Variants in CDH12 observed in about 807,000 individuals in gnomAD.
The protein encoded by CDH12 is cadherin 12, also known as cadherin-12.
A neutral mutation model predicts 74.1 loss-of-function variants in CDH12; 41 were observed. The ratio of observed to expected loss-of-function variants is 0.55; its 90% CI spans 0.43 to 0.72. CDH12 has a LOEUF of 0.72. Ranked by LOEUF, CDH12 falls within the 30% of genes least tolerant of loss-of-function variation. The probability of loss-of-function intolerance (pLI) is 0.00; values close to 1 mark genes in which losing one functional copy is unlikely to be tolerated. For missense variants in CDH12, 945 were observed against 977.2 expected (o/e 0.97, Z 0.44); for synonymous variants, 399 against 355.0 (o/e 1.12, Z -1.39).
chr5:21,940,099 C>T (rs1022369307), intron 6 of CDH12, among the ~76,000 whole-genome samples: 1 of 151,980 alleles, frequency 6.6e-6, no homozygotes, highest in Non-Finnish European at 1.5e-5. Context: ...TAGTGGCTCA[C>T]GTCTGTAATC....
intron 1 of CDH12, among the ~76,000 whole-genome samples, chr5:22,675,679 C>T (rs1346159880): frequency 6.6e-6 from 1 of 151,788 alleles, no homozygotes; most frequent in South Asian, 2.1e-4. Context: ...CTTTTGTCTG[C>T]CACCATGTGA....
intron 1 of CDH12, among the ~76,000 whole-genome samples, chr5:22,802,650 T>A (rs1299931667): frequency 6.6e-6 from 1 of 152,096 alleles, no homozygotes. Flanking sequence ...GTGTCTTTTT[T>A]AATGCTTATA....
In CDH12 at chr5:22,701,580, A is replaced by G. The variant is rs576535150; in HGVS notation, c.-523+151478T>C. Among the ~76,000 whole-genome samples the G allele has an allele frequency of 3.3e-5, 5 of 152,222 alleles. No homozygotes were observed. The South Asian group carries it at 8.3e-4, about 25-fold the overall frequency. On this transcript the variant is annotated intron_variant, in intron 1 of 14. Transcript: ENST00000382254. The stretch of plus-strand genomic sequence containing the variant: ...TGTTCATTCTCCCTAAGTAAGATCT[A>G]GCTCTCTGGATCTCCTTTAGATCCC...
rs187810906 is a variant in CDH12 at position 22,069,534 on chromosome 5, T to C, written c.231+8912A>G. ...GCAAAAATTTTGCTTCTTGACCCTATGGTGTTATGCTATGCAGGTCTAGAG... is the reference window on the plus strand; with the variant it reads ...GCAAAAATTTTGCTTCTTGACCCTACGGTGTTATGCTATGCAGGTCTAGAG... On this transcript the variant is annotated intron_variant, in intron 5 of 14. Coordinates refer to ENST00000382254, the MANE Select transcript of CDH12 (RefSeq NM_004061.5). 1.7e-3 allele frequency among the ~76,000 whole-genome samples: 253 copies of C among 152,282 alleles called. 3 individuals carry two copies. The highest frequency in any genetic ancestry group is 6.0e-3 in the African/African-American group (248 of 41,562).
chr5:21,967,803 T>C (rs1199353674), intron 6 of CDH12, among the ~76,000 whole-genome samples: 1 of 152,080 alleles, frequency 6.6e-6, no homozygotes. Context: ...AGCCATAACA[T>C]CCTATGGCCC....
At chr5:21,812,478 T>A (rs574138305) in intron 9 of CDH12, among the ~76,000 whole-genome samples, 1 of 152,252 alleles carries the variant, frequency 6.6e-6, no homozygotes, top group South Asian at 2.1e-4. Context: ...GGATTCCTAA[T>A]GATAATTGCA....
At chr5:22,151,829 G>T (rs1233135863) in intron 4 of CDH12, 2 of 152,056 alleles carry the variant, frequency 1.3e-5, no homozygotes, top group African/African-American at 4.8e-5. Flanking sequence ...CACATAAAAA[G>T]ACTAAAATAA....
At chr5:22,491,704 G>C (rs1046242688) in intron 2 of CDH12, among the ~76,000 whole-genome samples, 1 of 151,776 alleles carries the variant, frequency 6.6e-6, no homozygotes, top group African/African-American at 2.4e-5. Context: ...ACCACATTCA[G>C]AGCCATCCTG....
chr5:22,611,955 T>G (rs367921678), intron 1 of CDH12, among the ~76,000 whole-genome samples: 45 of 152,242 alleles, frequency 3.0e-4, no homozygotes, highest in East Asian at 2.9e-3. Flanking sequence ...ACCAATGTAT[T>G]CTTTCAAAAT....
chr5:22,238,203 G>A (rs574585785), intron 3 of CDH12, among the ~76,000 whole-genome samples: 1 of 152,298 alleles, frequency 6.6e-6, no homozygotes, highest in East Asian at 1.9e-4. Flanking sequence ...CTATAACGGA[G>A]AAGAGCTTCT....
At chr5:22,381,066 A>G (rs1272219767) in intron 3 of CDH12, among the ~76,000 whole-genome samples, 2 of 152,092 alleles carry the variant, frequency 1.3e-5, no homozygotes, top group East Asian at 3.8e-4. Context: ...ACAATGTTTG[A>G]ATTAAAAAAG....
chr5:22,346,105 C>CAAAAAAAAAA (rs5866560), intron 3 of CDH12, among the ~76,000 whole-genome samples: 1 of 101,644 alleles, frequency 9.8e-6, no homozygotes. Context: ...GACTTCATCT[C>CAAAAAAAAAA]AAAAAAAAAA....
chr5:21,822,914 T>C (rs1258410979), intron 8 of CDH12, among the ~76,000 whole-genome samples: 2 of 152,086 alleles, frequency 1.3e-5, no homozygotes, highest in East Asian at 3.9e-4. Flanking sequence ...TAAACTTTTT[T>C]CTAGTTCTGA....
At chr5:22,817,211 C>T (rs747334291) in intron 1 of CDH12, among the ~76,000 whole-genome samples, 2 of 152,002 alleles carry the variant, frequency 1.3e-5, no homozygotes, top group Non-Finnish European at 2.9e-5. Flanking sequence ...TCAAATTATT[C>T]AAAGTGTGGT....
chr5:22,169,849 A>G (rs1748918706), intron 4 of CDH12, among the ~76,000 whole-genome samples: 1 of 151,912 alleles, frequency 6.6e-6, no homozygotes, highest in Admixed American at 6.6e-5. Context: ...AAGGTCATAG[A>G]TTTAGGAAGT....
At chr5:22,560,474 T>C (rs1467305310) in intron 1 of CDH12, among the ~76,000 whole-genome samples, 1 of 152,122 alleles carries the variant, frequency 6.6e-6, no homozygotes, top group Non-Finnish European at 1.5e-5. Flanking sequence ...TTTATTTATA[T>C]AGACTTAATT....
chr5:22,341,641 T>C (rs1395137031), intron 3 of CDH12, among the ~76,000 whole-genome samples: 1 of 152,118 alleles, frequency 6.6e-6, no homozygotes, highest in Non-Finnish European at 1.5e-5. Flanking sequence ...ACAGACATAG[T>C]GAGGATCCTG....
chr5:21,842,214 A>G lies in CDH12; in HGVS notation c.761T>C (p.Ile254Thr), dbSNP rs1214488019. Residue 254 changes from isoleucine (I) to threonine (T), a missense_variant, in exon 8 of 15, where the codon ATA becomes ACA. Around this residue, in one of 3 missense-constraint regions of CDH12, gnomAD observed 791 missense variants for 792.8 expected, o/e 1.00. Coordinates refer to ENST00000382254, the MANE Select transcript of CDH12 (RefSeq NM_004061.5). ...GACATCGGTGAGAGTGATGTTGACTATTGTTGTTCCGGCTAATCCTCCAAG... is the reference window on the plus strand; with the variant it reads ...GACATCGGTGAGAGTGATGTTGACTGTTGTTGTTCCGGCTAATCCTCCAAG... The part of the protein sequence containing the change: ...GQLGGLAGTT[I>T]VNITLTDVND... 1.9e-6 allele frequency: 3 copies of G among 1,613,466 alleles called. No individual in the cohort carries two copies. The highest frequency in any genetic ancestry group is 1.7e-5 in the Admixed American group (1 of 59,930).
rs146455089 is a variant in CDH12, at chr5:21,930,495, A to G, written c.526+44596T>C. 3.8e-3 allele frequency among the ~76,000 whole-genome samples: 573 copies of G among 152,258 alleles called. 8 individuals carry two copies. Among genetic ancestry groups the G allele is most frequent in the African/African-American group, 0.013 (543 of 41,548 alleles). On this transcript the variant is annotated intron_variant, in intron 6 of 14. Transcript: ENST00000382254. ...ATGCCTTTTGGTTAATTCTTGTCCT[A>G]GGTCACATTATCCTAGCTTGCAAGA...
Sources: allele counts gnomAD v4.1 joint callset (sites outside exome capture counted in the v4.1 genomes callset), GRCh38; gene constraint gnomAD v4.1.1; regional missense constraint gnomAD v4.1.1; transcripts MANE v1.5; gene names NCBI Gene and HGNC (gene_info 2026-07-23, HGNC 2026-07-21).